Variants in CATSPER4 observed in about 807,000 individuals in gnomAD.
The protein encoded by CATSPER4 is cation channel sperm-associated protein 4.
Under a neutral mutation model 54.4 loss-of-function variants are expected in CATSPER4, and 46 were observed. The ratio of observed to expected loss-of-function variants is 0.84; its 90% CI spans 0.67 to 1.08. The LOEUF (loss-of-function observed/expected upper bound fraction) is 1.08. CATSPER4 is among the 50% of genes least tolerant of loss of function. The pLI, the probability that CATSPER4 is intolerant of heterozygous loss-of-function variation, is 0.00. For missense variants in CATSPER4, 574 were observed against 612.8 expected, an observed-to-expected ratio of 0.94 and a Z score of 0.67; for synonymous variants, 230 against 231.9, an observed-to-expected ratio of 0.99 and a Z score of 0.08.
Position 26,191,307 on chromosome 1 carries a change from G to A in CATSPER4, c.234G>A (p.Glu78=), listed in dbSNP as rs1033983401. Residue 78 remains glutamate (E), a synonymous_variant, in exon 2 of 10, where the codon GAG becomes GAA. Coordinates refer to ENST00000456354, the MANE Select transcript of CATSPER4 (RefSeq NM_198137.2). Reference sequence around the variant, plus strand: ...TCCAGGACGCCTGGGACATGCAGGAGTTCATCACTCACATGTACATCAAGC... The same window carrying A: ...TCCAGGACGCCTGGGACATGCAGGAATTCATCACTCACATGTACATCAAGC... The part of the protein sequence containing the change: ...TNKADAWDMQ[E]FITHMYIKQL... The A allele has an allele frequency of 1.2e-6, 2 of 1,614,022 alleles. No homozygotes were observed. Among genetic ancestry groups the A allele is most frequent in the Non-Finnish European group, 1.7e-6 (2 of 1,180,052 alleles).
At chr1:26,195,353 A>G (rs2088924429) in intron 3 of CATSPER4, among the ~76,000 whole-genome samples, 1 of 152,218 alleles carries the variant, frequency 6.6e-6, no homozygotes, top group African/African-American at 2.4e-5. Flanking sequence ...TGTGAGAAGC[A>G]TGGTGCCAAC....
intron 3 of CATSPER4, among the ~76,000 whole-genome samples, chr1:26,197,091 A>G (rs144430428): frequency 0.15 from 22,699 of 151,742 alleles, 1,782 homozygotes; most frequent in South Asian, 0.22. Context: ...TATTTTTAGT[A>G]GAGATGGAGT....
At chr1:26,192,056 A>C (rs1023368499) in intron 2 of CATSPER4, among the ~76,000 whole-genome samples, 2 of 152,132 alleles carry the variant, frequency 1.3e-5, no homozygotes, top group African/African-American at 4.8e-5. Context: ...TTTGGGGAAA[A>C]GAAACAGCAT....
chr1:26,191,617 C>G (rs747912994), intron 2 of CATSPER4, among the ~76,000 whole-genome samples, 187 bp downstream of exon 2: 1 of 152,140 alleles, frequency 6.6e-6, no homozygotes, highest in Non-Finnish European at 1.5e-5. Context: ...GGCTCTGCAG[C>G]CTGGCTTTGA....
At chr1:26,193,681 G>A in intron 2 of CATSPER4, 106 bp from the exon 3 acceptor site, 1 of 780,996 alleles carries the variant, frequency 1.3e-6, no homozygotes, top group South Asian at 1.4e-5. Flanking sequence ...AAGAGCAGCA[G>A]TGATACGGGA....
intron 3 of CATSPER4, among the ~76,000 whole-genome samples, chr1:26,195,506 CTT>C (rs34814169): frequency 7.0e-6 from 1 of 142,208 alleles, no homozygotes. Context: ...TTTTCTTTTT[CTT>C]TTTTTTTTTT....
At position 26,190,806 on chromosome 1, in the gene CATSPER4, T is replaced by C. The variant is rs2124521189; in HGVS notation, c.179T>C (p.Val60Ala). The C allele has an allele frequency of 1.9e-6, 3 of 1,612,640 alleles. No homozygotes were observed. Among genetic ancestry groups the C allele is most frequent in the South Asian group, 1.1e-5 (1 of 90,792 alleles). Residue 60 changes from valine (V) to alanine (A), a missense_variant, in exon 1 of 10, where the codon GTG becomes GCG. Val to Ala is a moderately conservative substitution (Grantham distance 64, BLOSUM62 0). Coordinates refer to ENST00000456354, the MANE Select transcript of CATSPER4 (RefSeq NM_198137.2). ...HESYGRPEEQ[V>A]LINRQEITNK... is the part of the protein sequence containing the mutation. ...TCCTACGGTCGGCCAGAGGAGCAAG[T>C]GCTCATCAACCGCCAGGAAATCACG...
At chr1:26,195,658 C>A (rs1284884745) in intron 3 of CATSPER4, among the ~76,000 whole-genome samples, 1 of 152,080 alleles carries the variant, frequency 6.6e-6, no homozygotes, top group South Asian at 2.1e-4. Flanking sequence ...CCCGCCACCA[C>A]GCCTGGCTAA....
intron 7 of CATSPER4, 41 bp downstream of exon 7, chr1:26,200,099 T>C (rs1325371292): frequency 1.9e-6 from 3 of 1,594,102 alleles, no homozygotes; most frequent in East Asian, 4.5e-5. Context: ...AAAAGGAGTG[T>C]GTATGAGAGC....
At chr1:26,198,143 T>A in intron 5 of CATSPER4, 66 bp downstream of exon 5, 1 of 1,613,914 alleles carries the variant, frequency 6.2e-7, no homozygotes, top group Non-Finnish European at 8.5e-7. Flanking sequence ...TCATTGCAAA[T>A]AGAGGGGTGT....
At position 26,193,829 on chromosome 1, in the gene CATSPER4, A is replaced by T. The variant is rs1273081056; in HGVS notation, c.400A>T (p.Thr134Ser). 1 of 1,614,010 alleles carries T rather than the reference A, an allele frequency of 6.2e-7. No homozygotes were observed. The highest frequency in any genetic ancestry group is 8.5e-7 in the Non-Finnish European group (1 of 1,179,962). Residue 134 changes from threonine to serine, a missense_variant, in exon 3 of 10, where the codon ACC (threonine) becomes TCC (serine). Thr to Ser is a moderately conservative substitution (Grantham distance 58). Coordinates refer to ENST00000456354, the MANE Select transcript of CATSPER4 (RefSeq NM_198137.2). ...LFSTIDDIVLTILLCEVLLGW... is the reference protein window; with the variant it reads ...LFSTIDDIVLSILLCEVLLGW... ...CTCTACCATAGATGACATTGTGCTG[A>T]CCATCCTTCTTTGTGAGGTTCTCCT...
intron 3 of CATSPER4, 119 bp from the exon 4 acceptor site, chr1:26,197,567 A>G: frequency 1.4e-6 from 1 of 732,432 alleles, no homozygotes; most frequent in East Asian, 2.6e-5. Flanking sequence ...ATGGCAGCTG[A>G]CTGGCCCTGC....
intron 7 of CATSPER4, 103 bp downstream of exon 7, chr1:26,200,161 G>T: frequency 7.2e-7 from 1 of 1,386,748 alleles, no homozygotes; most frequent in Non-Finnish European, 9.8e-7. Context: ...CAAGGGCCTG[G>T]AGAAAGCCAA....
intron 3 of CATSPER4, among the ~76,000 whole-genome samples, chr1:26,197,107 C>T (rs1306078469): frequency 6.6e-6 from 1 of 151,882 alleles, no homozygotes; most frequent in African/African-American, 2.4e-5. Flanking sequence ...GGAGTTTCAC[C>T]ATGTTGGCCA....
At chr1:26,194,624 G>A (rs896450856) in intron 3 of CATSPER4, among the ~76,000 whole-genome samples, 1 of 152,158 alleles carries the variant, frequency 6.6e-6, no homozygotes, top group Non-Finnish European at 1.5e-5. Flanking sequence ...CTGGATCTGG[G>A]TATGGCACAC....
At position 26,198,530 on chromosome 1, in the gene CATSPER4, G is replaced by A. The variant is rs528477732; in HGVS notation, c.812+111G>A. Reference sequence around the variant, plus strand: ...GGATTGGGATGAGGATGGCCCAGTAGAAGTGGGGGTTCCCAGGTCTTTAAA... The same window carrying A: ...GGATTGGGATGAGGATGGCCCAGTAAAAGTGGGGGTTCCCAGGTCTTTAAA... On this transcript the variant is annotated intron_variant, in intron 6 of 9. Coordinates refer to ENST00000456354, the MANE Select transcript of CATSPER4 (RefSeq NM_198137.2). 1.3e-3 allele frequency: 1,782 copies of A among 1,379,662 alleles called. 23 individuals carry two copies. In the South Asian group the frequency reaches 0.015, roughly 12 times the overall value. 85.5% of individuals were successfully genotyped at this position (1,379,662 alleles called of 1,614,324 possible). A position where few individuals can be genotyped will look rare whatever the true frequency, so the allele number is the denominator to read the frequency against.
In CATSPER4 at chr1:26,198,013, G is replaced by A. The variant is rs371089081; in HGVS notation, c.614G>A (p.Arg205His). The change falls in exon 5 of 10, where the codon CGC becomes CAC. Residue 205 changes from arginine to histidine, a missense_variant. Coordinates refer to ENST00000456354, the MANE Select transcript of CATSPER4 (RefSeq NM_198137.2). The part of the protein sequence containing the change: ...MAVEPLARII[R>H]VILQSVPDMA... ...GTGGAGCCCCTCGCCCGGATCATCC[G>A]CGTCATCCTGCAGTCGGTGCCTGAC... 79 of 1,613,928 alleles carry A rather than the reference G, an allele frequency of 4.9e-5. No individual in the cohort carries two copies. The highest frequency in any genetic ancestry group is 1.7e-4 in the Middle Eastern group (1 of 6,040).
intron 9 of CATSPER4, among the ~76,000 whole-genome samples, chr1:26,202,048 A>G (rs896940245): frequency 6.6e-6 from 1 of 152,032 alleles, no homozygotes; most frequent in African/African-American, 2.4e-5. Flanking sequence ...TAGGTTCTGC[A>G]CTTTCCTTCT....
chr1:26,192,516 G>A (rs368060262), intron 2 of CATSPER4, among the ~76,000 whole-genome samples: 6 of 151,890 alleles, frequency 4.0e-5, no homozygotes, highest in East Asian at 2.0e-4. Context: ...CTTGAAGCAG[G>A]GAGGCGGAGG....
Sources: allele counts gnomAD v4.1 joint callset (sites outside exome capture counted in the v4.1 genomes callset), GRCh38; gene constraint gnomAD v4.1.1; transcripts MANE v1.5; gene names NCBI Gene and HGNC (gene_info 2026-07-23, HGNC 2026-07-21).